Variants in LRIF1 observed in about 807,000 individuals in gnomAD.
The protein encoded by LRIF1 is ligand dependent nuclear receptor interacting factor 1, also known as ligand-dependent nuclear receptor-interacting factor 1.
LRIF1 carries 32 observed loss-of-function variants against 52.7 expected under a neutral mutation model. The observed-to-expected ratio is 0.61, with a 90% confidence interval of 0.46 to 0.82. The LOEUF is 0.82. Among genes scored for constraint, LRIF1 ranks in the 40% least tolerant of loss-of-function variants. The probability of loss-of-function intolerance (pLI) is 0.00; values close to 1 mark genes in which losing one functional copy is unlikely to be tolerated. For synonymous variants in LRIF1, 323 were observed against 317.4 expected (o/e 1.02, Z -0.19); for missense variants, 887 against 892.0 (o/e 0.99, Z 0.07).
chr1:110,899,599 A>T, the LRIF1 span: 122 of 173,280 alleles, frequency 7.0e-4, no homozygotes, highest in African/African-American at 2.9e-3. Context: ...GCAAGAGACT[A>T]GTTGAAGGGA....
At chr1:110,903,326 T>A in the LRIF1 span, among the ~76,000 whole-genome samples, 1 of 152,140 alleles carries the variant, frequency 6.6e-6, no homozygotes, top group Admixed American at 6.5e-5. Context: ...ACCCTTCCCC[T>A]AACCCCAGGC....
chr1:110,879,734 TA>T, the LRIF1 span, among the ~76,000 whole-genome samples: 4 of 152,040 alleles, frequency 2.6e-5, no homozygotes, highest in African/African-American at 4.8e-5. Flanking sequence ...TTTTTTAACT[TA>T]AAAAAATTTT....
intron 1 of LRIF1, among the ~76,000 whole-genome samples, chr1:110,961,451 A>G (rs547039138): frequency 3.3e-5 from 5 of 152,332 alleles, no homozygotes; most frequent in South Asian, 4.1e-4. Context: ...TTCTTCGACA[A>G]TAAAACCCAA....
At chr1:110,954,703 T>C (rs780071747) in intron 1 of LRIF1, among the ~76,000 whole-genome samples, 1 of 152,194 alleles carries the variant, frequency 6.6e-6, no homozygotes, top group Non-Finnish European at 1.5e-5. Context: ...CTGTTTTAAG[T>C]TAAGCACCAG....
chr1:110,902,886 G>T, the LRIF1 span, among the ~76,000 whole-genome samples: 5 of 152,184 alleles, frequency 3.3e-5, no homozygotes, highest in African/African-American at 9.7e-5. Context: ...TGCTGGAGAG[G>T]TGAGTAAAAC....
At chr1:110,890,333 G>A in the LRIF1 span, among the ~76,000 whole-genome samples, 16 of 152,292 alleles carry the variant, frequency 1.1e-4, no homozygotes, top group African/African-American at 3.1e-4. Context: ...TTGGGAGGCC[G>A]AGGCAGGCGG....
chr1:110,924,942 C>T, the LRIF1 span, among the ~76,000 whole-genome samples: 2 of 152,158 alleles, frequency 1.3e-5, no homozygotes, highest in Non-Finnish European at 2.9e-5. Context: ...AACATATGAT[C>T]ATCTCAACAG....
chr1:110,949,787 GA>G, intron 3 of LRIF1, 63 bp downstream of exon 3: 2 of 1,504,152 alleles, frequency 1.3e-6, no homozygotes, highest in South Asian at 1.3e-5. Flanking sequence ...ACCAAATCAA[GA>G]AAAGTAATAT....
the LRIF1 span, among the ~76,000 whole-genome samples, chr1:110,917,120 G>T: frequency 2.6e-5 from 4 of 152,142 alleles, no homozygotes; most frequent in Admixed American, 6.6e-5. Flanking sequence ...CCTCCTTCAG[G>T]TTCTCCTACT....
At chr1:110,903,224 C>A in the LRIF1 span, among the ~76,000 whole-genome samples, 2 of 152,280 alleles carry the variant, frequency 1.3e-5, no homozygotes, top group East Asian at 3.9e-4. Flanking sequence ...TAGGTAAGTC[C>A]TAGCATTGAA....
the LRIF1 span, among the ~76,000 whole-genome samples, chr1:110,911,046 A>G: frequency 9.9e-5 from 15 of 152,204 alleles, no homozygotes; most frequent in Non-Finnish European, 2.2e-4. Context: ...TTCACACAAA[A>G]TATCAATGAA....
the LRIF1 span, among the ~76,000 whole-genome samples, chr1:110,922,144 C>A: frequency 5.9e-5 from 9 of 152,030 alleles, no homozygotes; most frequent in Non-Finnish European, 1.2e-4. Context: ...CATGTCCCGG[C>A]AAAAAATATG....
intron 1 of LRIF1, among the ~76,000 whole-genome samples, chr1:110,957,505 T>A (rs979285114): frequency 7.1e-6 from 1 of 141,290 alleles, no homozygotes; most frequent in African/African-American, 2.7e-5. Context: ...CTGCAACAAT[T>A]CTCACGGCTT....
At chr1:110,963,453 G>T in intron 1 of LRIF1, 168 bp downstream of exon 1, 1 of 505,524 alleles carries the variant, frequency 2.0e-6, no homozygotes, top group Non-Finnish European at 3.6e-6. Context: ...AGAGGAAAGC[G>T]CTCTATGGGC....
the LRIF1 span, among the ~76,000 whole-genome samples, chr1:110,920,060 G>C: frequency 6.6e-6 from 1 of 152,142 alleles, no homozygotes. Context: ...ATGCTTGGAG[G>C]ATGTGAAACA....
intron 1 of LRIF1, among the ~76,000 whole-genome samples, chr1:110,955,785 G>A (rs937752302): frequency 6.6e-6 from 1 of 152,154 alleles, no homozygotes; most frequent in Non-Finnish European, 1.5e-5. Context: ...ATCAAAGAAG[G>A]GATCTTTCCT....
At chr1:110,913,729 T>C in the LRIF1 span, among the ~76,000 whole-genome samples, 1 of 152,152 alleles carries the variant, frequency 6.6e-6, no homozygotes, top group East Asian at 1.9e-4. Flanking sequence ...GGAAAGCAGT[T>C]TACAGACTTC....
chr1:110,895,822 CT>C, the LRIF1 span, among the ~76,000 whole-genome samples: 2 of 152,138 alleles, frequency 1.3e-5, no homozygotes, highest in Non-Finnish European at 2.9e-5. Flanking sequence ...CCAGTGTCAT[CT>C]CATCTAATTC....
At chr1:110,942,275 T>C (rs553876398), downstream of LRIF1, 3 of 152,268 alleles carry the variant, frequency 2.0e-5, no homozygotes, top group Non-Finnish European at 2.9e-5. Flanking sequence ...TTACATTTCA[T>C]GGAGTCTGGA....
Sources: allele counts gnomAD v4.1 joint callset (sites outside exome capture counted in the v4.1 genomes callset), GRCh38; gene constraint gnomAD v4.1.1; transcripts MANE v1.5; gene names NCBI Gene and HGNC (gene_info 2026-07-23, HGNC 2026-07-21).